PKD1L1: variants seen among roughly 807,000 people sequenced by gnomAD.
The protein encoded by PKD1L1 is polycystin 1 like 1, transient receptor potential channel interacting, also known as polycystin-1-like protein 1.
In PKD1L1, 236 loss-of-function variants were observed where a neutral mutation model predicts 323.4. That is an observed-to-expected ratio of 0.73 (90% CI 0.66 to 0.81). The LOEUF (loss-of-function observed/expected upper bound fraction) is 0.81, where lower values mean the gene tolerates loss of function less well. PKD1L1 is among the 40% of genes least tolerant of loss of function. The pLI, the probability that PKD1L1 is intolerant of heterozygous loss-of-function variation, is 0.00. For synonymous variants in PKD1L1, 1,344 were observed against 1,335.0 expected, an observed-to-expected ratio of 1.01 and a Z score of -0.15; for missense variants, 3,320 against 3,508.0, an observed-to-expected ratio of 0.95 and a Z score of 1.35.
At chr7:47,816,582 C>A (rs915069293) in intron 46 of PKD1L1, among the ~76,000 whole-genome samples, 14 of 152,202 alleles carry the variant, frequency 9.2e-5, no homozygotes, top group African/African-American at 3.4e-4. Flanking sequence ...GGGTGCTCAT[C>A]AACATGCCCT....
chr7:47,858,532 C>A, intron 27 of PKD1L1, 141 bp downstream of exon 27: 1 of 699,454 alleles, frequency 1.4e-6, no homozygotes, highest in Non-Finnish European at 2.4e-6. Flanking sequence ...TCTCCAAATA[C>A]CAAAATGCCA....
In PKD1L1 at chr7:47,926,913, C is replaced by T. The variant is rs114983012; in HGVS notation, c.1060+2291G>A. On this transcript the variant is annotated intron_variant, in intron 7 of 56. Transcript: ENST00000289672. ...GAAGCCAGCATAGGTAGAGAGAGCA[C>T]GCCCCATCAGTGTGGCAATGGAATC... 1.3e-3 allele frequency among the ~76,000 whole-genome samples: 192 copies of T among 152,316 alleles called. 1 individual carries two copies. The highest frequency in any genetic ancestry group is 4.3e-3 in the African/African-American group (177 of 41,570).
At chr7:47,830,810 C>T (rs1175461985) in intron 42 of PKD1L1, among the ~76,000 whole-genome samples, 1 of 152,196 alleles carries the variant, frequency 6.6e-6, no homozygotes, top group Admixed American at 6.5e-5. Flanking sequence ...GAATCTGTGA[C>T]ACATGCATCA....
At chr7:47,834,285 ATTG>A in intron 40 of PKD1L1, 51 bp downstream of exon 40, 1 of 1,564,288 alleles carries the variant, frequency 6.4e-7, no homozygotes, top group Non-Finnish European at 8.8e-7. Context: ...GAGAAATCTA[ATTG>A]TTTGCATTTC....
chr7:47,947,790 A>C (rs1428218230), intron 1 of PKD1L1, among the ~76,000 whole-genome samples: 2 of 152,038 alleles, frequency 1.3e-5, no homozygotes, highest in Non-Finnish European at 2.9e-5. Context: ...ACACAGTGAA[A>C]CCCCGTCTCT....
intron 46 of PKD1L1, among the ~76,000 whole-genome samples, chr7:47,820,466 T>G (rs1238228978): frequency 2.6e-5 from 4 of 152,210 alleles, no homozygotes; most frequent in Non-Finnish European, 5.9e-5. Context: ...GGCGCACACC[T>G]GTAATCCCAG....
intron 46 of PKD1L1, chr7:47,817,988 T>C: frequency 7.9e-7 from 1 of 1,272,464 alleles, no homozygotes; most frequent in Non-Finnish European, 1.0e-6. Flanking sequence ...TATTTGATCT[T>C]CATTGGTTTA....
rs537533474 is a variant in PKD1L1, at chr7:47,882,438, G to A, written c.3266-353C>T. Among the ~76,000 whole-genome samples, 31 of 152,106 alleles carry A rather than the reference G, an allele frequency of 2.0e-4. 1 individual carries two copies. The South Asian group carries it at 6.0e-3, about 30-fold the overall frequency. On this transcript the variant is annotated intron_variant, in intron 19 of 56. Coordinates refer to ENST00000289672, the MANE Select transcript of PKD1L1 (RefSeq NM_138295.5). ...GCTATCTGGAGTTAATAGTGAGGCA[G>A]TCCAAAAAATAAATGAGAAAACACA... is the stretch of plus-strand genomic sequence containing the variant.
intron 15 of PKD1L1, among the ~76,000 whole-genome samples, chr7:47,892,074 G>T (rs996223808): frequency 7.2e-5 from 11 of 152,160 alleles, no homozygotes; most frequent in Non-Finnish European, 1.6e-4. Context: ...AGGCATGGGG[G>T]ATATATCAAA....
chr7:47,812,282 G>T (rs1784915756), intron 49 of PKD1L1, among the ~76,000 whole-genome samples: 1 of 152,012 alleles, frequency 6.6e-6, no homozygotes, highest in Non-Finnish European at 1.5e-5. Flanking sequence ...CAGCAGCCCA[G>T]GGGACCCTCA....
chr7:47,937,770 G>C (rs1438095508), intron 3 of PKD1L1, among the ~76,000 whole-genome samples: 2 of 152,120 alleles, frequency 1.3e-5, no homozygotes, highest in Non-Finnish European at 2.9e-5. Context: ...ATGCCACTGG[G>C]CTTGCTCGGC....
intron 16 of PKD1L1, among the ~76,000 whole-genome samples, chr7:47,890,137 T>C (rs4257936): frequency 0.046 from 7,002 of 152,236 alleles, 387 homozygotes; most frequent in African/African-American, 0.14. Context: ...GTCCCCTCCA[T>C]CCTGTGATGC....
At chr7:47,806,708 C>T (rs1324816442) in intron 52 of PKD1L1, among the ~76,000 whole-genome samples, 1 of 152,232 alleles carries the variant, frequency 6.6e-6, no homozygotes, top group East Asian at 1.9e-4. Context: ...CAGAACAGGT[C>T]CCTGGTTGGC....
chr7:47,832,721 A>G (rs1051955819), intron 41 of PKD1L1, among the ~76,000 whole-genome samples: 31 of 152,354 alleles, frequency 2.0e-4, no homozygotes, highest in African/African-American at 7.0e-4. Flanking sequence ...GTTCTAGGGT[A>G]ATCCCTGCCT....
intron 56 of PKD1L1, among the ~76,000 whole-genome samples, chr7:47,778,365 A>G (rs139894225): frequency 3.9e-4 from 59 of 152,332 alleles, no homozygotes; most frequent in Admixed American, 9.1e-4. Flanking sequence ...GAGTTTACAG[A>G]GCAGGTTATG....
At chr7:47,822,365 C>T (rs1321067555) in intron 45 of PKD1L1, among the ~76,000 whole-genome samples, 6 of 151,540 alleles carry the variant, frequency 4.0e-5, no homozygotes, top group South Asian at 4.2e-4. Flanking sequence ...CCAAGGCAGG[C>T]GGATCACGAG....
chr7:47,949,368 C>CAAAAAGAAAA (rs1788167840), upstream of PKD1L1, among the ~76,000 whole-genome samples: 1 of 57,134 alleles, frequency 1.8e-5, no homozygotes, highest in Non-Finnish European at 3.2e-5. Context: ...GGCTCTGTCT[C>CAAAAAGAAAA]AAAAAAAAAA....
intron 21 of PKD1L1, among the ~76,000 whole-genome samples, chr7:47,878,113 T>C (rs1017066996): frequency 6.6e-6 from 1 of 152,174 alleles, no homozygotes. Context: ...CATACACACG[T>C]ACGTACAGCT....
intron 46 of PKD1L1, chr7:47,819,606 A>G (rs752942698): frequency 4.4e-6 from 6 of 1,354,332 alleles, no homozygotes; most frequent in Non-Finnish European, 5.9e-6. Flanking sequence ...GAGGAGGCAG[A>G]AAATTCCACT....
Sources: allele counts gnomAD v4.1 joint callset (sites outside exome capture counted in the v4.1 genomes callset), GRCh38; gene constraint gnomAD v4.1.1; transcripts MANE v1.5; gene names NCBI Gene and HGNC (gene_info 2026-07-23, HGNC 2026-07-21).